Variants in REPS2 observed in about 807,000 individuals in gnomAD.
REPS2 encodes RALBP1 associated Eps domain containing 2.
Under a neutral mutation model 53.6 loss-of-function variants are expected in REPS2, and 23 were observed. The observed-to-expected ratio is 0.43, with a 90% CI of 0.31 to 0.61. The LOEUF (loss-of-function observed/expected upper bound fraction) is 0.61, where lower values mean the gene tolerates loss of function less well. Ranked by LOEUF, REPS2 falls within the 20% of genes least tolerant of loss-of-function variation. The pLI, the probability that REPS2 is intolerant of heterozygous loss-of-function variation, is 0.11. For missense variants in REPS2, 446 were observed against 534.9 expected (o/e 0.83, Z 1.64); for synonymous variants, 238 against 218.6 (o/e 1.09, Z -0.78).
At chrX:16,987,910 G>A (rs959721390) in intron 1 of REPS2, among the ~76,000 whole-genome samples, 1 of 111,294 alleles carries the variant, frequency 9.0e-6, no homozygotes, top group African/African-American at 3.3e-5. Flanking sequence ...TCTCATCACT[G>A]TTTTTCAGCG....
At chrX:16,994,802 G>A (rs778135287) in intron 1 of REPS2, among the ~76,000 whole-genome samples, 36 of 111,616 alleles carry the variant, frequency 3.2e-4, no homozygotes, top group African/African-American at 1.1e-3. Context: ...TTCCCCCAAA[G>A]CTATTTAAAT....
intron 1 of REPS2, among the ~76,000 whole-genome samples, chrX:16,984,206 T>G (rs1250006649): frequency 8.9e-6 from 1 of 111,969 alleles, no homozygotes; most frequent in Non-Finnish European, 1.9e-5. Context: ...GAAGACCTGA[T>G]TGGAGCAGGA....
At chrX:16,950,281 A>G (rs1051536149) in intron 1 of REPS2, among the ~76,000 whole-genome samples, 5 of 111,818 alleles carry the variant, frequency 4.5e-5, no homozygotes, top group African/African-American at 1.6e-4. Flanking sequence ...TTATTCACCT[A>G]CTGAAGGATA....
chrX:17,019,546 G>C (rs2061543895), intron 2 of REPS2, among the ~76,000 whole-genome samples: 1 of 112,048 alleles, frequency 8.9e-6, no homozygotes, highest in African/African-American at 3.2e-5. Context: ...ACATTCAGTT[G>C]AGTATGGTGA....
chrX:16,994,388 C>A (rs1005933789), intron 1 of REPS2, among the ~76,000 whole-genome samples: 1 of 108,934 alleles, frequency 9.2e-6, no homozygotes, highest in Non-Finnish European at 1.9e-5. Context: ...TATACACACA[C>A]GTACATATAT....
chrX:17,133,156 C>T (rs1158543987), intron 14 of REPS2, among the ~76,000 whole-genome samples: 1 of 111,231 alleles, frequency 9.0e-6, no homozygotes, highest in Non-Finnish European at 1.9e-5. Context: ...TCTCTCCCTT[C>T]TTTGCAGGGG....
chrX:17,125,933 T>C (rs2063204357), intron 14 of REPS2, among the ~76,000 whole-genome samples: 1 of 112,062 alleles, frequency 8.9e-6, no homozygotes, highest in South Asian at 3.8e-4. Flanking sequence ...GTGAAGTCTT[T>C]GCAGTGGCCC....
At chrX:17,079,379 A>G (rs995192499) in intron 13 of REPS2, among the ~76,000 whole-genome samples, 1 of 111,681 alleles carries the variant, frequency 9.0e-6, no homozygotes, top group Non-Finnish European at 1.9e-5. Flanking sequence ...CCAGTTTCTC[A>G]GAAGGCTCGC....
intron 2 of REPS2, among the ~76,000 whole-genome samples, chrX:17,018,212 C>CTTTTTTTTTTTTTTTTTTT (rs200578522): frequency 1.1e-5 from 1 of 92,295 alleles, no homozygotes. Flanking sequence ...TGGCAACTGC[C>CTTTTTTTTTTTTTTTTTTT]TTTTTTTTTT....
intron 8 of REPS2, among the ~76,000 whole-genome samples, chrX:17,061,853 C>A (rs893575399): frequency 3.6e-5 from 4 of 112,203 alleles, no homozygotes; most frequent in Non-Finnish European, 7.5e-5. Context: ...TTGAAAGAAA[C>A]CCTTAATGTG....
intron 7 of REPS2, 61 bp downstream of exon 7, chrX:17,052,506 C>T: frequency 1.1e-6 from 1 of 893,989 alleles, no homozygotes; most frequent in Non-Finnish European, 1.6e-6. Context: ...CCTTTAGTTC[C>T]TACCTTTGCA....
chrX:17,177,996 C>T, the REPS2 span, among the ~76,000 whole-genome samples: 4 of 110,999 alleles, frequency 3.6e-5, no homozygotes, highest in East Asian at 2.8e-4. Flanking sequence ...GTGGGGGTTG[C>T]GAGGGCACAG....
At chrX:17,005,340 A>G (rs1045276815) in intron 1 of REPS2, among the ~76,000 whole-genome samples, 2 of 111,525 alleles carry the variant, frequency 1.8e-5, no homozygotes, top group African/African-American at 3.3e-5. Context: ...GGAAATAGTC[A>G]CAAAAAACTT....
intron 17 of REPS2, among the ~76,000 whole-genome samples, chrX:17,144,705 T>C (rs994257469): frequency 2.7e-5 from 3 of 112,330 alleles, no homozygotes; most frequent in African/African-American, 9.7e-5. Flanking sequence ...AGGACCCCAC[T>C]GTGCAGCCAA....
intron 1 of REPS2, among the ~76,000 whole-genome samples, chrX:16,968,386 C>A (rs1340896526): frequency 3.7e-4 from 37 of 101,137 alleles, no homozygotes; most frequent in Admixed American, 4.1e-4. Flanking sequence ...GGTGGCCGGG[C>A]AGAGGGGCTC....
the REPS2 span, among the ~76,000 whole-genome samples, chrX:17,192,867 C>T: frequency 1.8e-5 from 2 of 112,155 alleles, no homozygotes; most frequent in Admixed American, 9.4e-5. Flanking sequence ...TCTCAAACTT[C>T]ATGTAAGTGG....
intron 14 of REPS2, among the ~76,000 whole-genome samples, chrX:17,115,681 T>C (rs1201317487): frequency 2.7e-5 from 3 of 112,172 alleles, no homozygotes; most frequent in African/African-American, 9.7e-5. Flanking sequence ...CCTGCGGCCT[T>C]CCGCAGTGTT....
At chrX:17,117,331 T>G (rs1254283276) in intron 14 of REPS2, among the ~76,000 whole-genome samples, 1 of 111,558 alleles carries the variant, frequency 9.0e-6, no homozygotes, top group Non-Finnish European at 1.9e-5. Context: ...CGTGCAGGTT[T>G]GTTACATATG....
intron 2 of REPS2, among the ~76,000 whole-genome samples, chrX:17,007,340 G>C (rs1360268332): frequency 1.8e-5 from 2 of 112,349 alleles, no homozygotes; most frequent in Non-Finnish European, 3.8e-5. Context: ...GCTTGTGCCA[G>C]ACACTTTCAT....
Sources: gnomAD v4.1 joint callset for allele counts (sites outside exome capture counted in the v4.1 genomes callset) on GRCh38, gnomAD v4.1.1 for gene constraint, MANE v1.5 for transcripts, NCBI Gene and HGNC (gene_info 2026-07-23, HGNC 2026-07-21) for gene names.